Variants in ZNF385D observed in about 807,000 individuals in gnomAD.
The protein encoded by ZNF385D is zinc finger protein 385D.
A neutral mutation model predicts 35.8 loss-of-function variants in ZNF385D; 15 were observed. The observed-to-expected ratio is 0.42, with a 90% confidence interval of 0.28 to 0.64. The LOEUF is 0.64. Ranked by LOEUF, ZNF385D falls within the 30% of genes least tolerant of loss-of-function variation. The pLI, the probability that ZNF385D is intolerant of heterozygous loss-of-function variation, is 0.23. For missense variants in ZNF385D, 474 were observed against 494.6 expected (o/e 0.96, Z 0.39); for synonymous variants, 212 against 186.8 (o/e 1.13, Z -1.10).
At chr3:22,244,325 A>T (rs1332869263) in intron 2 of ZNF385D, among the ~76,000 whole-genome samples, 1 of 132,768 alleles carries the variant, frequency 7.5e-6, no homozygotes, top group African/African-American at 2.8e-5. Context: ...TCTCGCTCTT[A>T]CTTAGCTTTG....
At chr3:22,342,861 G>T (rs1455595020) in intron 2 of ZNF385D, among the ~76,000 whole-genome samples, 1 of 152,166 alleles carries the variant, frequency 6.6e-6, no homozygotes, top group Non-Finnish European at 1.5e-5. Flanking sequence ...AAAGCTTCCT[G>T]ACTATTCCAA....
chr3:21,753,391 A>C (rs2070190571), upstream of ZNF385D, among the ~76,000 whole-genome samples: 1 of 152,216 alleles, frequency 6.6e-6, no homozygotes, highest in Non-Finnish European at 1.5e-5. Flanking sequence ...TCTAGAAACA[A>C]ATATATCTAT....
At chr3:21,762,804 T>C (rs1559597626) in intron 3 of ZNF385D, among the ~76,000 whole-genome samples, 1 of 152,178 alleles carries the variant, frequency 6.6e-6, no homozygotes, top group South Asian at 2.1e-4. Context: ...GTGATCAATA[T>C]GGGATTGAAA....
chr3:21,810,561 T>C (rs62239200), intron 3 of ZNF385D, among the ~76,000 whole-genome samples: 10,740 of 152,224 alleles, frequency 0.071, 500 homozygotes, highest in Non-Finnish European at 0.11. Context: ...TGTATGTATA[T>C]GTTTATTTAT....
At chr3:21,450,488 T>A (rs1702392525) in intron 4 of ZNF385D, among the ~76,000 whole-genome samples, 1 of 152,174 alleles carries the variant, frequency 6.6e-6, no homozygotes, top group Admixed American at 6.5e-5. Flanking sequence ...AATTAAAAAC[T>A]TTTTTCAAGT....
At chr3:22,182,887 T>C (rs1309758281) in intron 2 of ZNF385D, among the ~76,000 whole-genome samples, 4 of 151,830 alleles carry the variant, frequency 2.6e-5, no homozygotes, top group Admixed American at 6.6e-5. Flanking sequence ...AAATGTTTTG[T>C]TATATTTATA....
intron 3 of ZNF385D, among the ~76,000 whole-genome samples, chr3:21,956,435 GA>G (rs1553706529): frequency 7.2e-6 from 1 of 138,714 alleles, no homozygotes; most frequent in Admixed American, 7.1e-5. Context: ...GTTTGAGTGG[GA>G]GAAGAAGAAA....
chr3:22,212,378 G>T (rs969459392), intron 2 of ZNF385D, among the ~76,000 whole-genome samples: 1 of 151,960 alleles, frequency 6.6e-6, no homozygotes, highest in African/African-American at 2.4e-5. Context: ...ATGTCTTTCT[G>T]CAATGGTTTC....
chr3:21,534,385 C>G (rs1007317349), intron 3 of ZNF385D, among the ~76,000 whole-genome samples: 2 of 152,028 alleles, frequency 1.3e-5, no homozygotes, highest in Admixed American at 6.6e-5. Flanking sequence ...CTGTAGCTGA[C>G]TTAATATAAT....
chr3:21,830,406 T>A (rs1228817997), intron 3 of ZNF385D, among the ~76,000 whole-genome samples: 2 of 152,178 alleles, frequency 1.3e-5, no homozygotes, highest in African/African-American at 4.8e-5. Context: ...CATCCTAGAG[T>A]AGACATGCAT....
chr3:21,517,595 T>G (rs1707658660), intron 3 of ZNF385D, among the ~76,000 whole-genome samples: 1 of 152,166 alleles, frequency 6.6e-6, no homozygotes, highest in Admixed American at 6.5e-5. Context: ...AATTGGCCCT[T>G]GAGTCACTGT....
At chr3:21,835,677 C>G (rs1468628420) in intron 3 of ZNF385D, among the ~76,000 whole-genome samples, 2 of 151,988 alleles carry the variant, frequency 1.3e-5, no homozygotes, top group Non-Finnish European at 2.9e-5. Context: ...TGAAAAGGTT[C>G]TTGGTAAACC....
intron 1 of ZNF385D, among the ~76,000 whole-genome samples, chr3:21,668,588 C>T (rs998985791): frequency 6.6e-6 from 1 of 152,178 alleles, no homozygotes; most frequent in Admixed American, 6.5e-5. Context: ...ATGCTTGCCT[C>T]CAAACCTATA....
At chr3:21,969,361 C>A (rs536767414) in intron 3 of ZNF385D, among the ~76,000 whole-genome samples, 1 of 152,086 alleles carries the variant, frequency 6.6e-6, no homozygotes, top group Non-Finnish European at 1.5e-5. Flanking sequence ...AGGGAGTTCT[C>A]ACAAGATCTG....
At chr3:22,036,819 G>A (rs1049586629) in intron 3 of ZNF385D, among the ~76,000 whole-genome samples, 5 of 148,342 alleles carry the variant, frequency 3.4e-5, no homozygotes, top group Non-Finnish European at 7.4e-5. Flanking sequence ...CCATTAACTC[G>A]TCATTTAACA....
chr3:21,973,201 T>TA (rs1340972503), intron 3 of ZNF385D, among the ~76,000 whole-genome samples: 4 of 151,794 alleles, frequency 2.6e-5, no homozygotes, highest in South Asian at 4.1e-4. Context: ...AACAATACAT[T>TA]AAAAAAATCA....
At chr3:21,779,052 G>A (rs903208258) in intron 3 of ZNF385D, among the ~76,000 whole-genome samples, 1 of 152,102 alleles carries the variant, frequency 6.6e-6, no homozygotes, top group Middle Eastern at 3.4e-3. Context: ...TCTGGTGGCT[G>A]ACATAAAGGT....
intron 3 of ZNF385D, among the ~76,000 whole-genome samples, chr3:21,893,374 C>A (rs565845343): frequency 6.5e-4 from 99 of 151,986 alleles, no homozygotes; most frequent in Non-Finnish European, 1.1e-3. Context: ...CAAAAAAGTG[C>A]CTTGCACAGA....
rs758875450 is a variant in ZNF385D at position 21,511,013 on chromosome 3, G to A, written c.287C>T (p.Ala96Val). The part of the protein sequence containing the change: ...QLRFNSDSQA[A>V]AHYKGTKHAK... ...ATGTTTCGTGCCTTTGTAGTGGGCC[G>A]CAGCCTGGCTCTACAAAGGAGAACA... The change falls in exon 4 of 8, where the codon GCG becomes GTG. Residue 96 changes from alanine to valine, a missense_variant. Transcript: ENST00000281523. 2.6e-5 allele frequency: 42 copies of A among 1,613,810 alleles called. No homozygotes were observed. The highest frequency in any genetic ancestry group is 1.7e-4 in the Admixed American group (10 of 59,982).
Sources: gnomAD v4.1 joint callset for allele counts (sites outside exome capture counted in the v4.1 genomes callset) on GRCh38, gnomAD v4.1.1 for gene constraint, MANE v1.5 for transcripts, NCBI Gene and HGNC (gene_info 2026-07-23, HGNC 2026-07-21) for gene names.